The following PPM1H variants were observed in gnomAD, a reference collection of about 807,000 sequenced individuals.
The protein encoded by PPM1H is protein phosphatase, Mg2+/Mn2+ dependent 1H.
Under a neutral mutation model 54.9 loss-of-function variants are expected in PPM1H, and 27 were observed. The observed-to-expected ratio is 0.49, with a 90% CI of 0.36 to 0.68. The LOEUF (loss-of-function observed/expected upper bound fraction) is 0.68. Among genes scored for constraint, PPM1H ranks in the 30% least tolerant of loss-of-function variants. The probability of loss-of-function intolerance (pLI) is 0.00; values close to 1 mark genes in which losing one functional copy is unlikely to be tolerated. For missense variants in PPM1H, 596 were observed against 667.8 expected, an observed-to-expected ratio of 0.89 and a Z score of 1.19; for synonymous variants, 305 against 270.8, an observed-to-expected ratio of 1.13 and a Z score of -1.24.
intron 1 of PPM1H, among the ~76,000 whole-genome samples, chr12:62,854,492 G>C (rs1317257450): frequency 6.6e-6 from 1 of 152,126 alleles, no homozygotes; most frequent in African/African-American, 2.4e-5. Flanking sequence ...GGGCAGGAGT[G>C]ACCTTGGCAA....
intron 6 of PPM1H, among the ~76,000 whole-genome samples, chr12:62,703,676 T>C (rs555765113): frequency 3.3e-5 from 5 of 152,270 alleles, no homozygotes; most frequent in African/African-American, 4.8e-5. Flanking sequence ...CAAATGCTAC[T>C]TGTGGCTTTT....
In PPM1H at chr12:62,800,566, T is replaced by C. The variant is rs180935808; in HGVS notation, c.756+1250A>G. Among the ~76,000 whole-genome samples, 211 of 152,278 alleles carry C rather than the reference T, an allele frequency of 1.4e-3. 1 individual carries two copies. The highest frequency in any genetic ancestry group is 9.1e-3 in the South Asian group (44 of 4,822). ...ATTCACCAGGCTGGTCTCGAACTCC[T>C]GACCTTGCGATCCACCCACCTCGAC... On this transcript the variant is annotated intron_variant, in intron 3 of 9. Transcript: ENST00000228705.
At chr12:62,887,117 G>A (rs557349317) in intron 1 of PPM1H, among the ~76,000 whole-genome samples, 2 of 152,154 alleles carry the variant, frequency 1.3e-5, no homozygotes, top group Non-Finnish European at 2.9e-5. Context: ...GAGAAAGAGG[G>A]AGGTGCCATG....
intron 1 of PPM1H, among the ~76,000 whole-genome samples, chr12:62,905,761 T>A (rs2121126657): frequency 6.6e-6 from 1 of 152,270 alleles, no homozygotes; most frequent in South Asian, 2.1e-4. Flanking sequence ...CGCTAAATGT[T>A]CTAAGAGGTG....
chr12:62,842,581 A>G (rs686538), intron 1 of PPM1H, among the ~76,000 whole-genome samples: 137,319 of 152,302 alleles, frequency 0.9, 62,085 homozygotes, highest in African/African-American at 0.97. Context: ...GATAAAGAAA[A>G]TATTGGACTA....
chr12:62,912,959 A>G (rs1443406580), intron 1 of PPM1H, among the ~76,000 whole-genome samples: 1 of 152,224 alleles, frequency 6.6e-6, no homozygotes, highest in Non-Finnish European at 1.5e-5. Context: ...CTTTACGGCT[A>G]CTATAATTTA....
At chr12:62,785,861 GAAAAAAA>G (rs35904349) in intron 4 of PPM1H, among the ~76,000 whole-genome samples, 2 of 129,426 alleles carry the variant, frequency 1.5e-5, no homozygotes, top group Non-Finnish European at 3.4e-5. Context: ...TAAAAATGAG[GAAAAAAA>G]AAAAAAAAAG....
intron 4 of PPM1H, among the ~76,000 whole-genome samples, chr12:62,739,079 G>GAAA (rs34304517): frequency 0.097 from 14,138 of 146,054 alleles, 748 homozygotes; most frequent in Admixed American, 0.16. Context: ...ATGACTCTAG[G>GAAA]AAAAAAAAAA....
intron 1 of PPM1H, among the ~76,000 whole-genome samples, chr12:62,899,829 T>C (rs1871104043): frequency 6.6e-6 from 1 of 152,182 alleles, no homozygotes; most frequent in South Asian, 2.1e-4. Flanking sequence ...CAACAGGCAA[T>C]GTTTATGTTC....
intron 1 of PPM1H, among the ~76,000 whole-genome samples, chr12:62,897,389 C>G (rs1871027746): frequency 6.6e-6 from 1 of 152,140 alleles, no homozygotes; most frequent in Non-Finnish European, 1.5e-5. Flanking sequence ...ATCTGTGGGA[C>G]TCATTTAAAT....
chr12:62,651,312 C>CA (rs56125558), intron 9 of PPM1H, among the ~76,000 whole-genome samples: 5,758 of 152,076 alleles, frequency 0.038, 155 homozygotes, highest in Non-Finnish European at 0.054. Context: ...TCAAAGATGT[C>CA]AAAAAACAGA....
intron 4 of PPM1H, among the ~76,000 whole-genome samples, chr12:62,756,827 A>G (rs745949197): frequency 1.4e-4 from 21 of 152,156 alleles, no homozygotes; most frequent in Non-Finnish European, 2.9e-4. Context: ...ATGAGAGGGA[A>G]AGAGAAAGCA....
intron 1 of PPM1H, among the ~76,000 whole-genome samples, chr12:62,930,290 C>T (rs1007295260): frequency 5.3e-5 from 8 of 152,160 alleles, no homozygotes; most frequent in Admixed American, 1.3e-4. Context: ...CAGACACTCT[C>T]AAAGTAGCTT....
chr12:62,802,260 TTGTC>T, intron 2 of PPM1H, 100 bp from the exon 3 acceptor site: 2 of 922,508 alleles, frequency 2.2e-6, no homozygotes, highest in South Asian at 2.2e-5. Flanking sequence ...GTCCACTTGG[TTGTC>T]TGTCGTCTGC....
At chr12:62,724,517 C>G (rs1180035683) in intron 5 of PPM1H, among the ~76,000 whole-genome samples, 1 of 152,280 alleles carries the variant, frequency 6.6e-6, no homozygotes, top group Non-Finnish European at 1.5e-5. Context: ...GCTTTGATAA[C>G]TGCAGGGGCC....
intron 4 of PPM1H, among the ~76,000 whole-genome samples, chr12:62,769,215 G>A (rs1326148697): frequency 6.6e-6 from 1 of 152,182 alleles, no homozygotes; most frequent in East Asian, 1.9e-4. Context: ...AGCTCTTCCT[G>A]CTGTGGCACC....
At chr12:62,865,610 T>G (rs1048967162) in intron 1 of PPM1H, among the ~76,000 whole-genome samples, 1 of 152,190 alleles carries the variant, frequency 6.6e-6, no homozygotes, top group African/African-American at 2.4e-5. Flanking sequence ...TATTCTCATG[T>G]CTCAGCCTCC....
intron 4 of PPM1H, chr12:62,755,904 G>A (rs556810558): frequency 5.1e-6 from 4 of 780,874 alleles, no homozygotes; most frequent in East Asian, 2.5e-5. Flanking sequence ...GAGCTAAATG[G>A]GAAGTTCACT....
chr12:62,853,486 A>G (rs1767382501), intron 1 of PPM1H, among the ~76,000 whole-genome samples: 1 of 152,226 alleles, frequency 6.6e-6, no homozygotes, highest in Non-Finnish European at 1.5e-5. Flanking sequence ...AAAAGGAATA[A>G]AAGAAAATAT....
Sources: gnomAD v4.1 joint callset for allele counts (sites outside exome capture counted in the v4.1 genomes callset) on GRCh38, gnomAD v4.1.1 for gene constraint, MANE v1.5 for transcripts, NCBI Gene and HGNC (gene_info 2026-07-23, HGNC 2026-07-21) for gene names.